Variants in PEX7 observed in about 807,000 individuals in gnomAD.
PEX7 encodes the protein PTS2 receptor.
PEX7 carries 34 observed loss-of-function variants against 47.5 expected under a neutral mutation model. That is an observed-to-expected ratio of 0.72 (90% CI 0.54 to 0.95). The LOEUF is 0.95. Among genes scored for constraint, PEX7 ranks in the 40% least tolerant of loss-of-function variants. The pLI, the probability that PEX7 is intolerant of heterozygous loss-of-function variation, is 0.00. For missense variants in PEX7, 394 were observed against 400.3 expected, an observed-to-expected ratio of 0.98 and a Z score of 0.13; for synonymous variants, 141 against 148.8, an observed-to-expected ratio of 0.95 and a Z score of 0.38.
intron 3 of PEX7, among the ~76,000 whole-genome samples, chr6:136,829,488 G>A (rs992781753): frequency 1.3e-5 from 2 of 152,148 alleles, no homozygotes; most frequent in Non-Finnish European, 2.9e-5. Flanking sequence ...GAGGCCCTAC[G>A]TCCTAAAACC....
rs1775197135 is a variant in PEX7, at chr6:136,872,257, CA to C, written c.803+5del. The C allele has an allele frequency of 1.2e-6, 2 of 1,606,396 alleles. No individual in the cohort carries two copies. The highest frequency in any genetic ancestry group is 1.7e-6 in the Non-Finnish European group (2 of 1,176,460). ...GCTCGTATGATTTTACTGTAAGGTACAGTGGTTTTTAATACATTTCATTGTG... is the reference window on the plus strand; with the variant it reads ...GCTCGTATGATTTTACTGTAAGGTACGTGGTTTTTAATACATTTCATTGTG... On this transcript the variant is annotated splice_donor_5th_base_variant and intron_variant, in intron 8 of 9. Transcript: ENST00000318471.
intron 1 of PEX7, chr6:136,823,220 T>TCCCAGTCTGC: frequency 1.0e-6 from 1 of 985,342 alleles, no homozygotes; most frequent in African/African-American, 1.7e-5. Context: ...GGCCCACAAT[T>TCCCAGTCTGC]CCCAGTCTGC....
intron 6 of PEX7, among the ~76,000 whole-genome samples, chr6:136,867,561 A>AT (rs1775096226): frequency 6.6e-6 from 1 of 152,104 alleles, no homozygotes; most frequent in Admixed American, 6.5e-5. Context: ...GAAAGAAAAT[A>AT]TTTTTGTATA....
rs144855142 is a variant in PEX7, at chr6:136,903,205, A to G, written c.903+4964A>G. Among the ~76,000 whole-genome samples the G allele has an allele frequency of 3.3e-4, 50 of 152,352 alleles. No homozygotes were observed. The East Asian group carries it at 7.1e-3, about 22-fold the overall frequency. On this transcript the variant is annotated intron_variant, in intron 9 of 9. Transcript: ENST00000318471. ...ATAACCACTATCCACGTTGAGATAC[A>G]GAACATCGCTTGCATTCCAGAAGCC...
At chr6:136,883,257 G>A (rs779628646) in intron 8 of PEX7, among the ~76,000 whole-genome samples, 2 of 152,054 alleles carry the variant, frequency 1.3e-5, no homozygotes, top group Admixed American at 6.5e-5. Context: ...AAATGTTCAG[G>A]TCTCAGGCAT....
At chr6:136,887,975 A>G (rs1449478840) in intron 8 of PEX7, among the ~76,000 whole-genome samples, 1 of 152,104 alleles carries the variant, frequency 6.6e-6, no homozygotes, top group Non-Finnish European at 1.5e-5. Flanking sequence ...ATTTGCCCTT[A>G]TCTAGTAAGT....
At chr6:136,913,363 A>T (rs1192254471) in intron 9 of PEX7, 95 bp from the exon 10 acceptor site, 3 of 838,702 alleles carry the variant, frequency 3.6e-6, no homozygotes, top group Non-Finnish European at 6.2e-6. Context: ...CTAGTGGATG[A>T]TTTACGACAC....
At chr6:136,850,883 T>C (rs965418953) in intron 5 of PEX7, among the ~76,000 whole-genome samples, 1 of 145,954 alleles carries the variant, frequency 6.9e-6, no homozygotes, top group Admixed American at 7.0e-5. Flanking sequence ...AGAGCACAAG[T>C]TGGCAAACTA....
At chr6:136,825,186 G>A (rs1774164992) in intron 1 of PEX7, 28 bp from the exon 2 acceptor site, 1 of 1,599,312 alleles carries the variant, frequency 6.3e-7, no homozygotes, top group African/African-American at 1.3e-5. Flanking sequence ...AGGTTCAAAG[G>A]GATGACCTTG....
At position 136,900,122 on chromosome 6, in the gene PEX7, G is replaced by A. The variant is rs1775728369; in HGVS notation, c.903+1881G>A. 1 of 154,006 alleles carries A rather than the reference G, an allele frequency of 6.5e-6. No individual in the cohort carries two copies. Among genetic ancestry groups the A allele is most frequent in the Non-Finnish European group, 1.4e-5 (1 of 69,514 alleles). 9.5% of individuals were successfully genotyped at this position (154,006 alleles called of 1,614,324 possible). On this transcript the variant is annotated intron_variant, in intron 9 of 9. Coordinates refer to ENST00000318471, the MANE Select transcript of PEX7 (RefSeq NM_000288.4). The surrounding 1 kb of genome is among the most constrained non-coding windows in gnomAD (Gnocchi z 4.2). ...CTATGGCGCTTCCTCGCCCAGGTCT[G>A]AAGAATACCAGATGTTTTCTAAATC...
Position 136,826,455 on chromosome 6 carries a change from G to A in PEX7, c.325G>A (p.Glu109Lys), listed in dbSNP as rs1774194765. 6.2e-7 allele frequency: 1 copy of A among 1,613,848 alleles called. No homozygotes were observed. Among genetic ancestry groups the A allele is most frequent in the Non-Finnish European group, 8.5e-7 (1 of 1,180,026 alleles). The change falls in exon 3 of 10, where the codon GAA (glutamate) becomes AAA (lysine). Residue 109 changes from glutamate to lysine, a missense_variant. Coordinates refer to ENST00000318471, the MANE Select transcript of PEX7 (RefSeq NM_000288.4). ...TGCAGGGCCACTGCAAGTCTATAAAGAACACGCTCAGGAGGTAGGAGGGAA... is the reference window on the plus strand; with the variant it reads ...TGCAGGGCCACTGCAAGTCTATAAAAAACACGCTCAGGAGGTAGGAGGGAA... ...KAAGPLQVYK[E>K]HAQEVYSVDW...
intron 3 of PEX7, among the ~76,000 whole-genome samples, chr6:136,839,133 C>T (rs1377309648): frequency 6.6e-6 from 1 of 151,994 alleles, no homozygotes; most frequent in Non-Finnish European, 1.5e-5. Context: ...GTGAGCTGTG[C>T]TCGTTCGTGG....
intron 8 of PEX7, among the ~76,000 whole-genome samples, chr6:136,879,238 A>C (rs368758422): frequency 7.9e-5 from 12 of 152,092 alleles, no homozygotes; most frequent in African/African-American, 2.7e-4. Context: ...TCAGTTTTTT[A>C]TTCCTAAGTT....
At chr6:136,906,483 TATGTGTGTGTGTGC>T (rs1288234608) in intron 9 of PEX7, among the ~76,000 whole-genome samples, 1 of 152,040 alleles carries the variant, frequency 6.6e-6, no homozygotes, top group Non-Finnish European at 1.5e-5. Flanking sequence ...AGCAACTGTG[TATGTGTGTGTGTGC>T]ATGTGTGTGT....
At chr6:136,853,476 A>G (rs75094152) in intron 5 of PEX7, among the ~76,000 whole-genome samples, 1 of 147,066 alleles carries the variant, frequency 6.8e-6, no homozygotes, top group Admixed American at 6.8e-5. Flanking sequence ...CTTTCTTGCT[A>G]ATAAACTATA....
intron 3 of PEX7, among the ~76,000 whole-genome samples, chr6:136,833,277 T>C (rs1305034527): frequency 6.6e-6 from 1 of 152,096 alleles, no homozygotes; most frequent in Admixed American, 6.6e-5. Context: ...TCAGATCACA[T>C]GAAAACTCAC....
intron 5 of PEX7, among the ~76,000 whole-genome samples, chr6:136,854,387 A>G (rs9494584): frequency 2.6e-5 from 4 of 152,146 alleles, no homozygotes; most frequent in Non-Finnish European, 5.9e-5. Context: ...GGGTTTCACC[A>G]TGTTGGCTAG....
chr6:136,826,954 T>G (rs1774204066), intron 3 of PEX7, among the ~76,000 whole-genome samples: 1 of 152,226 alleles, frequency 6.6e-6, no homozygotes, highest in Non-Finnish European at 1.5e-5. Context: ...CTGGTTCATG[T>G]GTCTAGATTT....
At chr6:136,911,141 A>G (rs534389673) in intron 9 of PEX7, among the ~76,000 whole-genome samples, 6 of 151,900 alleles carry the variant, frequency 3.9e-5, no homozygotes, top group East Asian at 1.9e-4. Flanking sequence ...AATCTCCCCT[A>G]TCCCCACCCT....
Sources: allele counts gnomAD v4.1 joint callset (sites outside exome capture counted in the v4.1 genomes callset), GRCh38; gene constraint gnomAD v4.1.1; non-coding constraint Gnocchi (gnomAD v3.1); transcripts MANE v1.5; gene names NCBI Gene and HGNC (gene_info 2026-07-23, HGNC 2026-07-21).